LDLRAD3: variants seen among roughly 807,000 people sequenced by gnomAD.
LDLRAD3 encodes the protein low-density lipoprotein receptor class A domain-containing protein 3.
LDLRAD3 carries 20 observed loss-of-function variants against 29.4 expected under a neutral mutation model. The ratio of observed to expected loss-of-function variants is 0.68; its 90% CI spans 0.48 to 0.99. The LOEUF is 0.99. Among genes scored for constraint, LDLRAD3 ranks in the 50% least tolerant of loss-of-function variants. The pLI is 0.00. For missense variants in LDLRAD3, 420 were observed against 454.3 expected (o/e 0.92, Z 0.69); for synonymous variants, 157 against 192.7 (o/e 0.81, Z 1.53).
intron 4 of LDLRAD3, among the ~76,000 whole-genome samples, chr11:36,186,349 C>T (rs1854848342): frequency 6.6e-6 from 1 of 152,124 alleles, no homozygotes; most frequent in Non-Finnish European, 1.5e-5. Context: ...AGAGAAACTA[C>T]GGTATATGCA....
In LDLRAD3 at chr11:36,014,980, G is replaced by A. The variant is rs188281673; in HGVS notation, c.47-21123G>A. ...TTCCTGATAACCAAGAATAATCCCA[G>A]AAGAGTTTGGAAAGTGAGTTGGATT... On this transcript the variant is annotated intron_variant, in intron 1 of 5. Coordinates refer to ENST00000315571, the MANE Select transcript of LDLRAD3 (RefSeq NM_174902.4). Among the ~76,000 whole-genome samples, 14 of 152,332 alleles carry A rather than the reference G, an allele frequency of 9.2e-5. No individual in the cohort carries two copies. In the East Asian group the frequency reaches 2.7e-3, roughly 29 times the overall value.
At chr11:36,034,497 C>A (rs1852279310) in intron 1 of LDLRAD3, among the ~76,000 whole-genome samples, 1 of 152,200 alleles carries the variant, frequency 6.6e-6, no homozygotes, top group Non-Finnish European at 1.5e-5. Flanking sequence ...ATTGTAGTTT[C>A]TCTCCTGGAG....
chr11:35,968,109 A>G (rs1285110158), intron 1 of LDLRAD3: 4 of 448,384 alleles, frequency 8.9e-6, no homozygotes, highest in Non-Finnish European at 1.8e-5. Flanking sequence ...TTCTCATAGA[A>G]CACATGTCTC....
chr11:36,088,253 C>T lies in LDLRAD3; in HGVS notation c.319+6475C>T, dbSNP rs139336399. ...TTTTTGCTGTTTGGCCTCTTTCTTC[C>T]GCTGTCCTCATACGTTCTTGGCTGG... is the stretch of plus-strand genomic sequence containing the variant. On this transcript the variant is annotated intron_variant, in intron 3 of 5. Coordinates refer to ENST00000315571, the MANE Select transcript of LDLRAD3 (RefSeq NM_174902.4). Among the ~76,000 whole-genome samples, 558 of 152,158 alleles carry T rather than the reference C, an allele frequency of 3.7e-3. 6 individuals carry two copies. The highest frequency in any genetic ancestry group is 0.013 in the African/African-American group (531 of 41,512).
chr11:36,066,676 T>C (rs1852799465), intron 2 of LDLRAD3, among the ~76,000 whole-genome samples: 2 of 152,222 alleles, frequency 1.3e-5, no homozygotes, highest in African/African-American at 4.8e-5. Context: ...GTAATAAAAG[T>C]ACTTTAAAGG....
chr11:36,218,631 G>C (rs1265082128), intron 4 of LDLRAD3, among the ~76,000 whole-genome samples: 2 of 152,322 alleles, frequency 1.3e-5, no homozygotes, highest in Non-Finnish European at 2.9e-5. Flanking sequence ...AGAGAAAAAG[G>C]AGAATGTTCA....
At chr11:36,171,605 T>G (rs1854599540) in intron 4 of LDLRAD3, among the ~76,000 whole-genome samples, 1 of 152,162 alleles carries the variant, frequency 6.6e-6, no homozygotes, top group African/African-American at 2.4e-5. Flanking sequence ...ATGTTGTTGT[T>G]TGCTTTGTCA....
chr11:36,007,214 T>C (rs1851896262), intron 1 of LDLRAD3, among the ~76,000 whole-genome samples: 1 of 152,226 alleles, frequency 6.6e-6, no homozygotes, highest in Admixed American at 6.5e-5. Flanking sequence ...CCCGAAGTAA[T>C]TAATGCACTT....
intron 1 of LDLRAD3, among the ~76,000 whole-genome samples, chr11:35,960,483 AT>A (rs1447825554): frequency 6.6e-6 from 1 of 152,202 alleles, no homozygotes; most frequent in Non-Finnish European, 1.5e-5. Context: ...TTATCCTCTC[AT>A]TAGTGGTTTA....
intron 4 of LDLRAD3, among the ~76,000 whole-genome samples, chr11:36,225,759 G>T (rs1041801628): frequency 6.6e-6 from 1 of 151,954 alleles, no homozygotes; most frequent in Non-Finnish European, 1.5e-5. Context: ...TTGTTATGAG[G>T]CAGAGAGATG....
Position 35,963,845 on chromosome 11 carries a change from C to T in LDLRAD3, c.46+19701C>T, listed in dbSNP as rs144564460. Among the ~76,000 whole-genome samples, 88 of 152,260 alleles carry T rather than the reference C, an allele frequency of 5.8e-4. 1 individual carries two copies. The highest frequency in any genetic ancestry group is 4.0e-4 in the Non-Finnish European group (27 of 68,034). Reference sequence around the variant, plus strand: ...TATGGTTGGATATGCAGAACTTTCCCCTGACCTTAAGTAATGAAGAATTTA... The same window carrying T: ...TATGGTTGGATATGCAGAACTTTCCTCTGACCTTAAGTAATGAAGAATTTA... On this transcript the variant is annotated intron_variant, in intron 1 of 5. Coordinates refer to ENST00000315571, the MANE Select transcript of LDLRAD3 (RefSeq NM_174902.4).
intron 2 of LDLRAD3, among the ~76,000 whole-genome samples, chr11:36,038,041 A>G (rs1478624624): frequency 6.6e-6 from 1 of 151,970 alleles, no homozygotes; most frequent in African/African-American, 2.4e-5. Context: ...GGACCACAGG[A>G]GTGCGCCGTC....
chr11:36,061,433 G>A (rs1447046651), intron 2 of LDLRAD3, among the ~76,000 whole-genome samples: 1 of 152,206 alleles, frequency 6.6e-6, no homozygotes, highest in African/African-American at 2.4e-5. Context: ...GAGCCACTGT[G>A]CCTGGCCAAG....
At chr11:36,138,040 TG>T (rs1418703877) in intron 4 of LDLRAD3, among the ~76,000 whole-genome samples, 4 of 152,238 alleles carry the variant, frequency 2.6e-5, no homozygotes, top group African/African-American at 9.6e-5. Flanking sequence ...CCCTTTAATC[TG>T]TTGCATTTGA....
At chr11:36,002,910 C>T (rs930884942) in intron 1 of LDLRAD3, among the ~76,000 whole-genome samples, 1 of 152,180 alleles carries the variant, frequency 6.6e-6, no homozygotes, top group African/African-American at 2.4e-5. Flanking sequence ...AGCTATTTCC[C>T]GTACAACAGT....
At chr11:36,146,161 A>G (rs1464429109) in intron 4 of LDLRAD3, among the ~76,000 whole-genome samples, 1 of 152,196 alleles carries the variant, frequency 6.6e-6, no homozygotes, top group African/African-American at 2.4e-5. Context: ...GTCACTGCTC[A>G]GCCTCCTGAT....
chr11:36,094,580 G>A (rs555470839), intron 3 of LDLRAD3, among the ~76,000 whole-genome samples: 4 of 152,158 alleles, frequency 2.6e-5, no homozygotes, highest in East Asian at 1.9e-4. Context: ...CTGTCACCCC[G>A]GCTGGAGTGC....
chr11:36,133,625 C>T (rs191438502), intron 4 of LDLRAD3, among the ~76,000 whole-genome samples: 193 of 150,638 alleles, frequency 1.3e-3, no homozygotes, highest in Admixed American at 2.7e-3. Context: ...GCTCCGCCTC[C>T]TGGGTTCACG....
chr11:36,192,079 C>G (rs1854961768), intron 4 of LDLRAD3, among the ~76,000 whole-genome samples: 1 of 152,154 alleles, frequency 6.6e-6, no homozygotes, highest in East Asian at 1.9e-4. Flanking sequence ...TAGAAAATGA[C>G]TACTTCTGGA....
Sources: gnomAD v4.1 joint callset for allele counts (sites outside exome capture counted in the v4.1 genomes callset) on GRCh38, gnomAD v4.1.1 for gene constraint, MANE v1.5 for transcripts, NCBI Gene and HGNC (gene_info 2026-07-23, HGNC 2026-07-21) for gene names.